TTC39A: variants seen among roughly 807,000 people sequenced by gnomAD.
TTC39A encodes the protein tetratricopeptide repeat protein 39A.
TTC39A carries 46 observed loss-of-function variants against 82.3 expected under a neutral mutation model. The ratio of observed to expected loss-of-function variants is 0.56; its 90% confidence interval spans 0.44 to 0.71. The LOEUF is 0.71. TTC39A is among the 30% of genes least tolerant of loss of function. TTC39A has a pLI of 0.00. For synonymous variants in TTC39A, 254 were observed against 275.2 expected (o/e 0.92, Z 0.76); for missense variants, 543 against 712.9 (o/e 0.76, Z 2.71).
At chr1:51,333,212 G>A (rs1369940772), upstream of TTC39A, among the ~76,000 whole-genome samples, 6 of 80,150 alleles carry the variant, frequency 7.5e-5, no homozygotes, top group African/African-American at 1.4e-4. Flanking sequence ...AAACTCCATC[G>A]CCCCCACCAA....
Position 51,293,066 on chromosome 1 carries a change from ATT to A in TTC39A, c.1266+1323_1266+1324del, listed in dbSNP as rs566400161. On this transcript the variant is annotated intron_variant, in intron 14 of 17. Coordinates refer to ENST00000680483, the MANE Select transcript of TTC39A (RefSeq NM_001297663.2). ...CACTTGATAGTAATAGCTTTACTGT[ATT>A]TTTTTTTTTTTTTTTTGAGATGGAG... Among the ~76,000 whole-genome samples, 770 of 130,518 alleles carry A rather than the reference ATT, an allele frequency of 5.9e-3. 4 individuals are homozygous for A. The highest frequency in any genetic ancestry group is 0.02 in the African/African-American group (722 of 35,634). 85.6% of individuals were successfully genotyped at this position (130,518 alleles called of 152,430 possible). A position where few individuals can be genotyped will look rare whatever the true frequency, so the allele number is the denominator to read the frequency against.
intron 1 of TTC39A, chr1:51,322,052 T>G (rs944747903): frequency 1.3e-6 from 2 of 1,527,824 alleles, no homozygotes; most frequent in Non-Finnish European, 1.8e-6. Context: ...TCATCAGAGA[T>G]CTGTTGGAGG....
chr1:51,330,279 A>T lies in TTC39A; in HGVS notation c.41+158T>A, dbSNP rs113470087. The T allele has an allele frequency of 1.0e-6, 1 of 956,084 alleles. No homozygotes were observed. Among genetic ancestry groups the T allele is most frequent in the Non-Finnish European group, 1.2e-6 (1 of 803,632 alleles). The allele number at this position is 956,084 out of a possible 1,614,324, so 59.2% of individuals were successfully genotyped here. A position where few individuals can be genotyped will look rare whatever the true frequency, so the allele number is the denominator to read the frequency against. On this transcript the variant is annotated intron_variant, in intron 1 of 17. Transcript: ENST00000680483. This position sits in a 1 kb window ranked among gnomAD's most constrained non-coding sequence, Gnocchi z 4.5. ...ACAGCCCCCTGCCCCCACTCCTGGCAGCGGCGGCGGCTGCCAGGGGCCGGG... is the reference window on the plus strand; with the variant it reads ...ACAGCCCCCTGCCCCCACTCCTGGCTGCGGCGGCGGCTGCCAGGGGCCGGG...
At chr1:51,289,927 G>T in intron 16 of TTC39A, 78 bp downstream of exon 16, 1 of 1,234,404 alleles carries the variant, frequency 8.1e-7, no homozygotes, top group Non-Finnish European at 1.1e-6. Flanking sequence ...CCACTGCAGT[G>T]GGCATGAGGA....
chr1:51,311,294 G>A lies in TTC39A; in HGVS notation c.383C>T (p.Ala128Val). 1 of 1,586,334 alleles carries A rather than the reference G, an allele frequency of 6.3e-7. No individual in the cohort carries two copies. Among genetic ancestry groups the A allele is most frequent in the Non-Finnish European group, 8.6e-7 (1 of 1,166,508 alleles). ...EEEIHAEVCY[A>V]ECLLQRAALT... ...GGCTGCTCGCTGCAGCAGGCACTCT[G>A]CATAGCAGACCTCAGCGTGGATTTC... Residue 128 changes from alanine to valine, a missense_variant, in exon 5 of 18, where the codon GCA becomes GTA. Physicochemically the swap from Ala to Val is moderately conservative, Grantham distance 64. Transcript: ENST00000680483.
intron 2 of TTC39A, among the ~76,000 whole-genome samples, chr1:51,313,826 C>T (rs1169421748): frequency 1.3e-5 from 2 of 152,218 alleles, no homozygotes; most frequent in Non-Finnish European, 1.5e-5. Context: ...TAGTGAGACA[C>T]TGTCTCTAAA....
Position 51,321,692 on chromosome 1 carries a change from C to G in TTC39A, c.146+29G>C. ...GTTCTCCCTGACCGTCATGCACACCCCCTACCCCAACCGGGGCTTGAGCCT... is the reference window on the plus strand; with the variant it reads ...GTTCTCCCTGACCGTCATGCACACCGCCTACCCCAACCGGGGCTTGAGCCT... On this transcript the variant is annotated intron_variant, in intron 2 of 17. Transcript: ENST00000680483. This position sits in a 1 kb window ranked among gnomAD's most constrained non-coding sequence, Gnocchi z 4.6. 1 of 1,605,556 alleles carries G rather than the reference C, an allele frequency of 6.2e-7. No individual in the cohort carries two copies. The highest frequency in any genetic ancestry group is 8.5e-7 in the Non-Finnish European group (1 of 1,174,150).
In TTC39A at chr1:51,327,897, A is replaced by G. The variant is rs1479788286; in HGVS notation, c.41+2540T>C. On this transcript the variant is annotated intron_variant, in intron 1 of 17. Coordinates refer to ENST00000680483, the MANE Select transcript of TTC39A (RefSeq NM_001297663.2). ...TTTTTAGTAGAGACAGGGTTTCACC[A>G]TGTTGGCCAGGCTGATCTCAAACTC... Among the ~76,000 whole-genome samples, 3 of 152,114 alleles carry G rather than the reference A, an allele frequency of 2.0e-5. No individual in the cohort carries two copies. The East Asian group carries it at 5.8e-4, about 29-fold the overall frequency.
intron 5 of TTC39A, among the ~76,000 whole-genome samples, chr1:51,310,968 A>G (rs1479728023): frequency 6.6e-6 from 1 of 152,116 alleles, no homozygotes; most frequent in African/African-American, 2.4e-5. Flanking sequence ...AATGCCTATC[A>G]CCCCCATATG....
chr1:51,296,154 A>G lies in TTC39A; in HGVS notation c.1070T>C (p.Met357Thr), dbSNP rs1386727103. 1 of 1,595,714 alleles carries G rather than the reference A, an allele frequency of 6.3e-7. No homozygotes were observed. ...AAACATGCTGAGGTAGGCGGCCTTC[A>G]TGTAAATGTAGGTGGCCTGTGCGAG... is the stretch of plus-strand genomic sequence containing the variant. ...NCWSKATYIYMKAAYLSMFGK... is the reference protein window; with the variant it reads ...NCWSKATYIYTKAAYLSMFGK... The change falls in exon 13 of 18, where the codon ATG (methionine) becomes ACG (threonine). Residue 357 changes from methionine (M) to threonine (T), a missense_variant. Transcript: ENST00000680483.
chr1:51,331,513 C>T (rs1300423575), upstream of TTC39A: 1 of 985,304 alleles, frequency 1.0e-6, no homozygotes, highest in East Asian at 1.1e-4. Context: ...CAACTATGAC[C>T]TCCAGGACGT....
intron 1 of TTC39A, among the ~76,000 whole-genome samples, chr1:51,340,496 C>T (rs1646021310): frequency 6.6e-6 from 1 of 152,200 alleles, no homozygotes; most frequent in African/African-American, 2.4e-5. Flanking sequence ...GTCACATTTG[C>T]TAAATGCTGC....
chr1:51,322,712 G>C (rs115547807), intron 1 of TTC39A, among the ~76,000 whole-genome samples: 4,940 of 152,240 alleles, frequency 0.032, 132 homozygotes, highest in Non-Finnish European at 0.051. Context: ...CAGAAGCCCT[G>C]CCTATTTGAT....
chr1:51,321,017 C>T lies in TTC39A; in HGVS notation c.146+704G>A, dbSNP rs1645497097. Among the ~76,000 whole-genome samples the T allele has an allele frequency of 1.3e-5, 2 of 151,832 alleles. No homozygotes were observed. Among genetic ancestry groups the T allele is most frequent in the Non-Finnish European group, 1.5e-5 (1 of 67,976 alleles). On this transcript the variant is annotated intron_variant, in intron 2 of 17. Coordinates refer to ENST00000680483, the MANE Select transcript of TTC39A (RefSeq NM_001297663.2). This position sits in a 1 kb window ranked among gnomAD's most constrained non-coding sequence, Gnocchi z 4.6. ...CCTCCTGAGTAGCTGGGATTACAGGCACACACCACCACACCCAGCTAATTT... is the reference window on the plus strand; with the variant it reads ...CCTCCTGAGTAGCTGGGATTACAGGTACACACCACCACACCCAGCTAATTT...
At position 51,288,263 on chromosome 1, in the gene TTC39A, T is replaced by TCAAACTAC; in HGVS notation, c.1627_1628insGTAGTTTG (p.Tyr543CysfsTer25). 6.2e-7 allele frequency: 1 copy of TCAAACTAC among 1,613,966 alleles called. No individual in the cohort carries two copies. The highest frequency in any genetic ancestry group is 8.5e-7 in the Non-Finnish European group (1 of 1,179,862). Reference sequence around the variant, plus strand: ...AAAGTGTGTCCTTGACTCCATGGAGTAATTCTTGTAGTTTTGCCTGGAATT... The same window carrying TCAAACTAC: ...AAAGTGTGTCCTTGACTCCATGGAGTCAAACTACAATTCTTGTAGTTTTGCCTGGAATT... On this transcript the variant is annotated frameshift_variant, in exon 18 of 18. Coordinates refer to ENST00000680483, the MANE Select transcript of TTC39A (RefSeq NM_001297663.2). LOFTEE classifies it high-confidence loss of function. The surrounding 1 kb of genome is among the most constrained non-coding windows in gnomAD (Gnocchi z 4.8).
Position 51,288,482 on chromosome 1 carries a change from AC to A in TTC39A, c.1611-203del, listed in dbSNP as rs1644074598. On this transcript the variant is annotated intron_variant, in intron 17 of 17. Transcript: ENST00000680483. The surrounding 1 kb of genome is among the most constrained non-coding windows in gnomAD (Gnocchi z 4.8). The stretch of plus-strand genomic sequence containing the variant: ...CATCCCTGGTATCATGGCCACTGGA[AC>A]CACTCCTGGTCCTCCTGGGTTCCTA... Among the ~76,000 whole-genome samples the A allele has an allele frequency of 6.6e-6, 1 of 152,114 alleles. No individual in the cohort carries two copies. The highest frequency in any genetic ancestry group is 2.4e-5 in the African/African-American group (1 of 41,404).
At chr1:51,336,481 G>A (rs1363393398) in intron 1 of TTC39A, among the ~76,000 whole-genome samples, 3 of 152,122 alleles carry the variant, frequency 2.0e-5, no homozygotes, top group Non-Finnish European at 4.4e-5. Flanking sequence ...CTGGTCTCTA[G>A]GAGCTGCTGA....
In TTC39A at chr1:51,296,346, C is replaced by A. The variant is rs540980523; in HGVS notation, c.1054-176G>T. Among the ~76,000 whole-genome samples, 3 of 152,222 alleles carry A rather than the reference C, an allele frequency of 2.0e-5. No individual in the cohort carries two copies. The East Asian group carries it at 5.8e-4, about 29-fold the overall frequency. ...ACTTGAAGACCTGAATCCAGGACAA[C>A]CCATGTCAAAGCAGCCACCTTCTTC... is the stretch of plus-strand genomic sequence containing the variant. On this transcript the variant is annotated intron_variant, in intron 12 of 17. Coordinates refer to ENST00000680483, the MANE Select transcript of TTC39A (RefSeq NM_001297663.2).
chr1:51,296,103 C>G lies in TTC39A; in HGVS notation c.1121G>C (p.Gly374Ala). 1 of 1,597,384 alleles carries G rather than the reference C, an allele frequency of 6.3e-7. No individual in the cohort carries two copies. The highest frequency in any genetic ancestry group is 1.1e-5 in the South Asian group (1 of 87,926). The change falls in exon 13 of 18, where the codon GGG becomes GCG. Residue 374 changes from glycine (G) to alanine (A), a missense_variant. Physicochemically the swap from Gly to Ala is moderately conservative, Grantham distance 60. Transcript: ENST00000680483. ...CCGAAATAATTCCACTTCGTCGTCCCCGAACGGCTTGTGGTCCTCCTTCCC... is the reference window on the plus strand; with the variant it reads ...CCGAAATAATTCCACTTCGTCGTCCGCGAACGGCTTGTGGTCCTCCTTCCC... ...MFGKEDHKPF[G>A]DDEVELFRAV...
Sources: allele counts gnomAD v4.1 joint callset (sites outside exome capture counted in the v4.1 genomes callset), GRCh38; gene constraint gnomAD v4.1.1; non-coding constraint Gnocchi (gnomAD v3.1); transcripts MANE v1.5; gene names NCBI Gene and HGNC (gene_info 2026-07-23, HGNC 2026-07-21).